Variants in FAIM2 observed in about 807,000 individuals in gnomAD.
FAIM2 encodes Fas apoptotic inhibitory molecule 2.
Under a neutral mutation model 47.4 loss-of-function variants are expected in FAIM2, and 27 were observed. The observed-to-expected ratio is 0.57, with a 90% confidence interval of 0.42 to 0.78. The LOEUF (loss-of-function observed/expected upper bound fraction) is 0.78, where lower values mean the gene tolerates loss of function less well. Ranked by LOEUF, FAIM2 falls within the 30% of genes least tolerant of loss-of-function variation. FAIM2 has a pLI of 0.00. For missense variants in FAIM2, 311 were observed against 389.4 expected, an observed-to-expected ratio of 0.80 and a Z score of 1.69; for synonymous variants, 156 against 159.3, an observed-to-expected ratio of 0.98 and a Z score of 0.16.
In FAIM2 at chr12:49,879,512, A is replaced by ATG. The variant is rs61721377; in HGVS notation, c.801+7872_801+7873dup. 9.5e-4 allele frequency among the ~76,000 whole-genome samples: 140 copies of ATG among 146,820 alleles called. 1 individual carries two copies. The East Asian group carries it at 0.023, about 25-fold the overall frequency. ...AGTGTATGTGTGTATATGTATGTGC[A>ATG]TGTGTGTGTGTCCATGTGTATATAT... On this transcript the variant is annotated intron_variant, in intron 11 of 11. Coordinates refer to ENST00000320634, the MANE Select transcript of FAIM2 (RefSeq NM_012306.4).
At chr12:49,880,505 TG>T (rs1256211353) in intron 11 of FAIM2, among the ~76,000 whole-genome samples, 1,855 of 143,426 alleles carry the variant, frequency 0.013, 35 homozygotes, top group African/African-American at 0.044. Context: ...TGTGTGTGTA[TG>T]AGTGTGTATG....
At chr12:49,880,167 T>TGTGTGTGTCTGTGTGC (rs146657856) in intron 11 of FAIM2, among the ~76,000 whole-genome samples, 18 of 143,414 alleles carry the variant, frequency 1.3e-4, no homozygotes, top group Non-Finnish European at 2.8e-4. Flanking sequence ...TGCATGTGTG[T>TGTGTGTGTCTGTGTGC]ATGTGTGTGT....
Position 49,874,586 on chromosome 12 carries a change from C to T in FAIM2, c.802-3933G>A, listed in dbSNP as rs998345784. ...GGGGCCCAGGCTTATGTCCGTTGTC[C>T]TCCCTGAATGTGGCCCCAGAGGTGA... is the stretch of plus-strand genomic sequence containing the variant. On this transcript the variant is annotated intron_variant, in intron 11 of 11. Coordinates refer to ENST00000320634, the MANE Select transcript of FAIM2 (RefSeq NM_012306.4). This position sits in a 1 kb window ranked among gnomAD's most constrained non-coding sequence, Gnocchi z 4.2. Among the ~76,000 whole-genome samples the T allele has an allele frequency of 1.2e-4, 18 of 152,236 alleles. No homozygotes were observed. Among genetic ancestry groups the T allele is most frequent in the African/African-American group, 3.9e-4 (16 of 41,458 alleles).
chr12:49,870,944 G>A (rs191244978), intron 11 of FAIM2, among the ~76,000 whole-genome samples: 2 of 152,346 alleles, frequency 1.3e-5, no homozygotes, highest in Admixed American at 1.3e-4. Context: ...AGGATGATGA[G>A]TATAACAAGG....
chr12:49,886,233 G>A (rs890812859), intron 11 of FAIM2, among the ~76,000 whole-genome samples: 52 of 152,182 alleles, frequency 3.4e-4, no homozygotes, highest in Admixed American at 2.6e-4. Context: ...ATTCGGGTGC[G>A]TGGGGCCCAC....
At chr12:49,894,808 A>T (rs901745792) in intron 5 of FAIM2, among the ~76,000 whole-genome samples, 1 of 152,324 alleles carries the variant, frequency 6.6e-6, no homozygotes, top group South Asian at 2.1e-4. Context: ...TTAAATGAGG[A>T]TAACAGTAGT....
intron 5 of FAIM2, among the ~76,000 whole-genome samples, chr12:49,894,110 C>T (rs1035191070): frequency 2.6e-5 from 4 of 152,186 alleles, no homozygotes; most frequent in Non-Finnish European, 4.4e-5. Context: ...GTTGTGTGAC[C>T]TTGGACAATA....
At chr12:49,894,071 C>T (rs1389181005) in intron 5 of FAIM2, among the ~76,000 whole-genome samples, 1 of 152,160 alleles carries the variant, frequency 6.6e-6, no homozygotes, top group Non-Finnish European at 1.5e-5. Context: ...GCTGACACCC[C>T]GCATTCACAT....
chr12:49,892,789 C>T (rs115117090), intron 5 of FAIM2, among the ~76,000 whole-genome samples: 500 of 152,294 alleles, frequency 3.3e-3, no homozygotes, highest in Non-Finnish European at 4.2e-3. Context: ...ACCCTAGACT[C>T]GAATTTCCAA....
chr12:49,877,982 G>T (rs190171824), intron 11 of FAIM2, among the ~76,000 whole-genome samples: 45 of 151,948 alleles, frequency 3.0e-4, no homozygotes, highest in Admixed American at 9.8e-4. Context: ...GTGCATGTAT[G>T]TGTTTATGTG....
Position 49,901,291 on chromosome 12 carries a change from C to A in FAIM2, c.50G>T (p.Gly17Val), listed in dbSNP as rs763038678. 6.2e-7 allele frequency: 1 copy of A among 1,603,268 alleles called. No homozygotes were observed. Among genetic ancestry groups the A allele is most frequent in the South Asian group, 1.1e-5 (1 of 89,692 alleles). ...CTTCTCGCCATGCACCTGCTGCTGC[C>A]CCTCGGTCCCAGGGGCCTTGTTAGC... is the stretch of plus-strand genomic sequence containing the variant. ...SVANKAPGTE[G>V]QQQVHGEKKE... The change falls in exon 2 of 12, where the codon GGG becomes GTG. Residue 17 changes from glycine (G) to valine (V), a missense_variant. By Grantham distance (109) the Gly-to-Val change is moderately radical (BLOSUM62 -3). Transcript: ENST00000320634.
intron 11 of FAIM2, among the ~76,000 whole-genome samples, chr12:49,872,888 G>A (rs940976135): frequency 1.3e-5 from 2 of 152,204 alleles, no homozygotes; most frequent in African/African-American, 4.8e-5. Context: ...GGCCTGGCGT[G>A]GTGCCTGACA....
chr12:49,901,108 T>C, intron 2 of FAIM2, 22 bp downstream of exon 2: 1 of 1,543,590 alleles, frequency 6.5e-7, no homozygotes, highest in Non-Finnish European at 8.7e-7. Flanking sequence ...ATGCTTCAGG[T>C]TCCAGGAGCT....
chr12:49,888,546 G>A lies in FAIM2; in HGVS notation c.747+561C>T, dbSNP rs528213724. On this transcript the variant is annotated intron_variant, in intron 10 of 11. Coordinates refer to ENST00000320634, the MANE Select transcript of FAIM2 (RefSeq NM_012306.4). Reference sequence around the variant, plus strand: ...CCCCTTCTCCACATGCAGGGGCCTGGGTGCCTGCAGAGTCTCAGTTGGATT... The same window carrying A: ...CCCCTTCTCCACATGCAGGGGCCTGAGTGCCTGCAGAGTCTCAGTTGGATT... Among the ~76,000 whole-genome samples, 86 of 152,226 alleles carry A rather than the reference G, an allele frequency of 5.6e-4. 1 individual carries two copies. Among genetic ancestry groups the A allele is most frequent in the Non-Finnish European group, 1.0e-3 (70 of 68,000 alleles).
rs1446424111 is a variant in FAIM2 at position 49,867,290 on chromosome 12, C to T, written c.*3214G>A. ...CAGGCCCTGCGTTTCCTCAAGCAGC[C>T]ACTGGAGGGCAGCAAAGTGCTTATG... On this transcript the variant is annotated 3_prime_UTR_variant, in exon 12 of 12. Coordinates refer to ENST00000320634, the MANE Select transcript of FAIM2 (RefSeq NM_012306.4). 1.3e-5 allele frequency: 2 copies of T among 152,276 alleles called. No individual in the cohort carries two copies. The highest frequency in any genetic ancestry group is 4.8e-5 in the African/African-American group (2 of 41,446). The allele number at this position is 152,276 out of a possible 1,614,324, so 9.4% of individuals were successfully genotyped here. A position where few individuals can be genotyped will look rare whatever the true frequency, so the allele number is the denominator to read the frequency against.
At chr12:49,896,741 T>C (rs1946939982) in intron 5 of FAIM2, among the ~76,000 whole-genome samples, 1 of 152,160 alleles carries the variant, frequency 6.6e-6, no homozygotes, top group South Asian at 2.1e-4. Flanking sequence ...AGGACCGAGG[T>C]CTGGGTCTCT....
intron 5 of FAIM2, among the ~76,000 whole-genome samples, chr12:49,892,496 T>C (rs1946907469): frequency 6.6e-6 from 1 of 152,220 alleles, no homozygotes; most frequent in African/African-American, 2.4e-5. Context: ...GAGCTGGCTC[T>C]GCCACATCAC....
chr12:49,880,494 A>ATGTGTGTGTATATGTG (rs1555158551), intron 11 of FAIM2, among the ~76,000 whole-genome samples: 2 of 138,816 alleles, frequency 1.4e-5, no homozygotes, highest in South Asian at 2.4e-4. Flanking sequence ...ATGCATGTGT[A>ATGTGTGTGTATATGTG]TGTGTGTGTA....
intron 5 of FAIM2, among the ~76,000 whole-genome samples, chr12:49,892,069 T>C (rs1336233268): frequency 6.6e-6 from 1 of 152,044 alleles, no homozygotes; most frequent in Non-Finnish European, 1.5e-5. Context: ...ACCCACAATT[T>C]CAAGCTTCCT....
Sources: gnomAD v4.1 joint callset for allele counts (sites outside exome capture counted in the v4.1 genomes callset) on GRCh38, gnomAD v4.1.1 for gene constraint, Gnocchi (gnomAD v3.1) non-coding constraint, MANE v1.5 for transcripts, NCBI Gene and HGNC (gene_info 2026-07-23, HGNC 2026-07-21) for gene names.